The following DOCK9 variants were observed in gnomAD, a reference collection of about 807,000 sequenced individuals.
DOCK9 encodes the protein dedicator of cytokinesis 9, also known as dedicator of cytokinesis protein 9.
In DOCK9, 89 loss-of-function variants were observed where a neutral mutation model predicts 263.3. The ratio of observed to expected loss-of-function variants is 0.34; its 90% confidence interval spans 0.28 to 0.40. The LOEUF is 0.40. Ranked by LOEUF, DOCK9 falls within the 10% of genes least tolerant of loss-of-function variation. The probability of loss-of-function intolerance (pLI) is 1.00; values close to 1 mark genes in which losing one functional copy is unlikely to be tolerated. For synonymous variants in DOCK9, 976 were observed against 973.1 expected, an observed-to-expected ratio of 1.00 and a Z score of -0.06; for missense variants, 2,140 against 2,603.4, an observed-to-expected ratio of 0.82 and a Z score of 3.87.
At chr13:98,801,755 G>T (rs1414647654) in intron 49 of DOCK9, among the ~76,000 whole-genome samples, 2 of 152,154 alleles carry the variant, frequency 1.3e-5, no homozygotes, top group African/African-American at 4.8e-5. Flanking sequence ...TTAGCAACTG[G>T]CTAGGGAAGA....
intron 18 of DOCK9, among the ~76,000 whole-genome samples, chr13:98,887,388 G>A (rs1372666362): frequency 6.6e-6 from 1 of 150,684 alleles, no homozygotes; most frequent in Non-Finnish European, 1.5e-5. Context: ...AGGCCAAGGT[G>A]GGCAGATCAC....
At chr13:98,893,762 A>T (rs1215923184) in intron 15 of DOCK9, among the ~76,000 whole-genome samples, 2 of 152,058 alleles carry the variant, frequency 1.3e-5, no homozygotes, top group African/African-American at 2.4e-5. Context: ...TAGCAATGCA[A>T]AGATTTTTAA....
chr13:99,067,785 ATGGAGAGGTAGGGC>A lies in DOCK9; in HGVS notation c.129+18424_129+18437del, dbSNP rs372469555. 3.0e-3 allele frequency among the ~76,000 whole-genome samples: 463 copies of A among 151,890 alleles called. 2 individuals carry two copies. Among genetic ancestry groups the A allele is most frequent in the African/African-American group, 0.011 (437 of 41,452 alleles). On this transcript the variant is annotated intron_variant, in intron 1 of 32. Transcript: ENST00000427887. ...ATTCTCCCACTGAGTTGCCCAAGAG[ATGGAGAGGTAGGGC>A]TGCTTCGGGGCCCATTGCCCAGGGT...
chr13:98,901,967 T>C, intron 12 of DOCK9, 67 bp from the exon 13 acceptor site: 1 of 1,568,852 alleles, frequency 6.4e-7, no homozygotes, highest in Admixed American at 1.8e-5. Context: ...CCCATGAACA[T>C]TAAACAGCAA....
chr13:99,087,519 C>T (rs986238740), upstream of DOCK9, among the ~76,000 whole-genome samples: 3 of 152,220 alleles, frequency 2.0e-5, no homozygotes, highest in South Asian at 6.2e-4. Flanking sequence ...CCCACCGTGA[C>T]GCAGAGCTGG....
intron 52 of DOCK9, among the ~76,000 whole-genome samples, chr13:98,795,784 A>C (rs1345808956): frequency 5.5e-5 from 8 of 146,394 alleles, no homozygotes; most frequent in African/African-American, 2.0e-4. Context: ...TTTGAGATGG[A>C]GTCTCGCTCT....
chr13:98,867,502 A>C lies in DOCK9; in HGVS notation c.3209T>G (p.Val1070Gly). The change falls in exon 30 of 53, where the codon GTA (valine) becomes GGA (glycine). Residue 1070 changes from valine to glycine, a missense_variant. By Grantham distance (109) the Val-to-Gly change is moderately radical (BLOSUM62 -3). Coordinates refer to ENST00000682017, the MANE Select transcript of DOCK9 (RefSeq NM_001366683.2). ...LFEYKFEFLR[V>G]VCNHEHYIPL... ...AATATAATGTTCATGGTTGCACACTACACGGAGAAATTCAAACTTGTATTC... is the reference window on the plus strand; with the variant it reads ...AATATAATGTTCATGGTTGCACACTCCACGGAGAAATTCAAACTTGTATTC... The C allele has an allele frequency of 6.2e-7, 1 of 1,611,654 alleles. No homozygotes were observed.
chr13:98,823,994 G>C (rs1240177292), intron 45 of DOCK9, among the ~76,000 whole-genome samples: 5 of 152,176 alleles, frequency 3.3e-5, no homozygotes, highest in Non-Finnish European at 7.3e-5. Context: ...ATGCCTTTGA[G>C]TTTGCCCTGG....
chr13:98,808,154 G>A (rs1255018960), intron 47 of DOCK9, among the ~76,000 whole-genome samples: 2 of 152,176 alleles, frequency 1.3e-5, no homozygotes, highest in Admixed American at 6.5e-5. Context: ...AGCAGCCCAC[G>A]ACAGGCAGGC....
chr13:99,002,401 C>G (rs949049047), intron 1 of DOCK9, among the ~76,000 whole-genome samples: 1 of 152,270 alleles, frequency 6.6e-6, no homozygotes, highest in Admixed American at 6.5e-5. Context: ...CTCAGGCTTC[C>G]TTGAGCATCA....
Position 98,930,156 on chromosome 13 carries a change from A to C in DOCK9, c.333+12T>G. On this transcript the variant is annotated intron_variant, in intron 3 of 52. Coordinates refer to ENST00000682017, the MANE Select transcript of DOCK9 (RefSeq NM_001366683.2). Reference sequence around the variant, plus strand: ...ACTTCAAAATGTAAATTAATGCAGGAAAGAGCCTTACCTCTGTAACAAACA... The same window carrying C: ...ACTTCAAAATGTAAATTAATGCAGGCAAGAGCCTTACCTCTGTAACAAACA... 1 of 1,602,810 alleles carries C rather than the reference A, an allele frequency of 6.2e-7. No individual in the cohort carries two copies. The highest frequency in any genetic ancestry group is 1.1e-5 in the South Asian group (1 of 88,498).
chr13:99,065,294 T>G (rs1158666632), intron 1 of DOCK9, among the ~76,000 whole-genome samples: 1 of 152,236 alleles, frequency 6.6e-6, no homozygotes, highest in African/African-American at 2.4e-5. Context: ...CATTACCTGC[T>G]GCCTAAATTA....
chr13:98,989,158 C>A (rs147882145), intron 1 of DOCK9, among the ~76,000 whole-genome samples: 15 of 152,228 alleles, frequency 9.9e-5, no homozygotes, highest in African/African-American at 3.6e-4. Flanking sequence ...TTGGAAGGTT[C>A]TCCTCTTTCA....
intron 39 of DOCK9, among the ~76,000 whole-genome samples, chr13:98,832,316 T>C (rs1248500302): frequency 3.9e-5 from 6 of 152,166 alleles, no homozygotes; most frequent in Non-Finnish European, 7.4e-5. Flanking sequence ...CCACTTATCA[T>C]AGGCATGAAT....
chr13:98,934,953 C>A (rs534637214), intron 2 of DOCK9, among the ~76,000 whole-genome samples: 36 of 152,244 alleles, frequency 2.4e-4, no homozygotes, highest in Middle Eastern at 6.8e-3. Flanking sequence ...AGTTGCTATT[C>A]TTTTAAAGCT....
chr13:98,902,183 G>T (rs974130714), intron 12 of DOCK9, 105 bp downstream of exon 12: 66 of 1,210,288 alleles, frequency 5.5e-5, no homozygotes, highest in Non-Finnish European at 7.1e-5. Context: ...AGAGTCTAAT[G>T]ACCCCACTTG....
chr13:98,878,869 C>G (rs902063865), intron 27 of DOCK9, among the ~76,000 whole-genome samples: 10 of 152,198 alleles, frequency 6.6e-5, no homozygotes, highest in Non-Finnish European at 1.2e-4. Flanking sequence ...TCGGAGAGCC[C>G]AGATCCCTTG....
At chr13:99,032,479 T>C (rs1887449358) in intron 1 of DOCK9, among the ~76,000 whole-genome samples, 1 of 114,664 alleles carries the variant, frequency 8.7e-6, no homozygotes, top group South Asian at 3.2e-4. Context: ...TGAGACACCA[T>C]CTCAAAAAAA....
intron 15 of DOCK9, among the ~76,000 whole-genome samples, chr13:98,891,985 A>G (rs2046694354): frequency 6.6e-6 from 1 of 152,228 alleles, no homozygotes. Context: ...CGTGTTACAC[A>G]AACTGAATTC....
Sources: allele counts gnomAD v4.1 joint callset (sites outside exome capture counted in the v4.1 genomes callset), GRCh38; gene constraint gnomAD v4.1.1; transcripts MANE v1.5; gene names NCBI Gene and HGNC (gene_info 2026-07-23, HGNC 2026-07-21).